DLG2: variants seen among roughly 807,000 people sequenced by gnomAD.
DLG2 encodes disks large homolog 2.
A neutral mutation model predicts 132.5 loss-of-function variants in DLG2; 45 were observed. The ratio of observed to expected loss-of-function variants is 0.34; its 90% confidence interval spans 0.27 to 0.44. The LOEUF (loss-of-function observed/expected upper bound fraction) is 0.44, where lower values mean the gene tolerates loss of function less well. Among genes scored for constraint, DLG2 ranks in the 20% least tolerant of loss-of-function variants. The pLI is 1.00. For missense variants in DLG2, 1,045 were observed against 1,196.9 expected, an observed-to-expected ratio of 0.87 and a Z score of 1.87; for synonymous variants, 424 against 419.6, an observed-to-expected ratio of 1.01 and a Z score of -0.13.
intron 4 of DLG2, among the ~76,000 whole-genome samples, chr11:85,210,426 G>GT (rs907579237): frequency 6.6e-5 from 10 of 152,026 alleles, no homozygotes; most frequent in African/African-American, 1.2e-4. Flanking sequence ...TCCATATGGG[G>GT]TTTTTTCCCA....
At chr11:83,492,780 T>G (rs562214168) in intron 21 of DLG2, among the ~76,000 whole-genome samples, 5 of 152,148 alleles carry the variant, frequency 3.3e-5, no homozygotes, top group African/African-American at 9.6e-5. Context: ...TGACCACCTC[T>G]CACCATCTCC....
chr11:84,246,553 A>T (rs1323720493), intron 8 of DLG2, among the ~76,000 whole-genome samples: 3 of 152,238 alleles, frequency 2.0e-5, no homozygotes, highest in African/African-American at 7.2e-5. Flanking sequence ...TTAAGAAAAA[A>T]GAAAAGAGAC....
Position 85,217,318 on chromosome 11 carries a change from T to TCA in DLG2, c.187-62669_187-62668dup, listed in dbSNP as rs56718906. ...CCATCACCTAGATTCTCTCTCTCTCTCACACACACACACACACACACACAC... is the reference window on the plus strand; with the variant it reads ...CCATCACCTAGATTCTCTCTCTCTCTCACACACACACACACACACACACACAC... On this transcript the variant is annotated intron_variant, in intron 4 of 27. Transcript: ENST00000376104. Among the ~76,000 whole-genome samples, 1,397 of 144,020 alleles carry TCA rather than the reference T, an allele frequency of 9.7e-3. 17 individuals are homozygous for TCA. Among genetic ancestry groups the TCA allele is most frequent in the African/African-American group, 0.032 (1,226 of 38,596 alleles). The allele number at this position is 144,020 out of a possible 152,430, so 94.5% of individuals were successfully genotyped here.
At chr11:84,825,335 G>A (rs928145400) in intron 6 of DLG2, among the ~76,000 whole-genome samples, 5 of 151,842 alleles carry the variant, frequency 3.3e-5, no homozygotes, top group East Asian at 1.9e-4. Context: ...CCTAAGGCCC[G>A]AGCTGACAAA....
chr11:84,647,697 G>C (rs2099676656), intron 6 of DLG2, among the ~76,000 whole-genome samples: 2 of 152,180 alleles, frequency 1.3e-5, no homozygotes, highest in African/African-American at 4.8e-5. Flanking sequence ...GCAGATGAGA[G>C]CTCACATCTA....
chr11:84,716,074 T>C (rs2061190512), intron 6 of DLG2, among the ~76,000 whole-genome samples: 1 of 152,108 alleles, frequency 6.6e-6, no homozygotes, highest in African/African-American at 2.4e-5. Flanking sequence ...ACAACACTGG[T>C]TACCTCTTGT....
In DLG2 at chr11:84,767,550, TAATA is replaced by T. The variant is rs911229778; in HGVS notation, c.358-232823_358-232820del. Among the ~76,000 whole-genome samples, 8 of 152,188 alleles carry T rather than the reference TAATA, an allele frequency of 5.3e-5. No homozygotes were observed. The Middle Eastern group carries it at 0.01, about 194-fold the overall frequency. ...GAGCCTTAAAGGTCCTGAGCAGAGA[TAATA>T]AAGTCCTCACTTTCTATTTTAAAAC... On this transcript the variant is annotated intron_variant, in intron 6 of 27. Coordinates refer to ENST00000376104, the MANE Select transcript of DLG2 (RefSeq NM_001142699.3).
At chr11:85,408,274 G>C (rs2088961023) in intron 3 of DLG2, among the ~76,000 whole-genome samples, 1 of 150,300 alleles carries the variant, frequency 6.7e-6, no homozygotes, top group African/African-American at 2.4e-5. Flanking sequence ...GTAACCGTCA[G>C]AAAATATAAA....
chr11:85,090,288 C>T (rs1163217128), intron 6 of DLG2, among the ~76,000 whole-genome samples: 1 of 152,178 alleles, frequency 6.6e-6, no homozygotes, highest in Admixed American at 6.5e-5. Flanking sequence ...CTTTCATTTA[C>T]TCTCTGAAGG....
At chr11:84,594,327 C>T (rs2099551120) in intron 6 of DLG2, among the ~76,000 whole-genome samples, 1 of 152,174 alleles carries the variant, frequency 6.6e-6, no homozygotes, top group African/African-American at 2.4e-5. Flanking sequence ...CATGGACTGG[C>T]ATTCTAATGT....
At chr11:84,500,907 T>A (rs1337812324) in intron 7 of DLG2, among the ~76,000 whole-genome samples, 1 of 152,222 alleles carries the variant, frequency 6.6e-6, no homozygotes, top group African/African-American at 2.4e-5. Context: ...TGATATTTTA[T>A]ATGGCAATTC....
chr11:84,154,781 G>A lies in DLG2; in HGVS notation c.624+8680C>T, dbSNP rs2095392589. On this transcript the variant is annotated intron_variant, in intron 9 of 27. Coordinates refer to ENST00000376104, the MANE Select transcript of DLG2 (RefSeq NM_001142699.3). ...TTTTGTCCCTGCGATAGTTTACTGA[G>A]AATGATGGTTTCCAGCTTCACCCAT... Among the ~76,000 whole-genome samples, 4 of 152,094 alleles carry A rather than the reference G, an allele frequency of 2.6e-5. No individual in the cohort carries two copies. The South Asian group carries it at 8.3e-4, about 31-fold the overall frequency.
intron 6 of DLG2, among the ~76,000 whole-genome samples, chr11:84,806,947 A>G (rs2076065104): frequency 6.6e-6 from 1 of 152,194 alleles, no homozygotes; most frequent in East Asian, 1.9e-4. Context: ...TCAAACTGGT[A>G]GAAAGACAAC....
chr11:84,680,818 T>C (rs1486235461), intron 6 of DLG2, among the ~76,000 whole-genome samples: 6 of 152,214 alleles, frequency 3.9e-5, no homozygotes, highest in African/African-American at 1.4e-4. Context: ...TCAGTTGTCT[T>C]CTAGCAGTTT....
intron 3 of DLG2, among the ~76,000 whole-genome samples, chr11:85,555,204 T>A (rs1321323104): frequency 9.9e-5 from 15 of 151,894 alleles, no homozygotes; most frequent in Non-Finnish European, 2.9e-5. Context: ...AAAGGAAATA[T>A]ACTACTTAAA....
intron 3 of DLG2, among the ~76,000 whole-genome samples, chr11:85,389,324 T>A (rs965537906): frequency 5.3e-5 from 8 of 152,110 alleles, no homozygotes; most frequent in Admixed American, 1.3e-4. Flanking sequence ...AATAATTTTT[T>A]AAAAATGAAC....
chr11:84,416,757 T>C lies in DLG2; in HGVS notation c.519+117813A>G, dbSNP rs183243647. ...GATTAAATGAGATAATATAAAGCAT[T>C]ACATTAACACAAGATCTCACACAGT... On this transcript the variant is annotated intron_variant, in intron 7 of 27. Transcript: ENST00000376104. Among the ~76,000 whole-genome samples the C allele has an allele frequency of 2.6e-5, 4 of 152,312 alleles. No homozygotes were observed. In the East Asian group the frequency reaches 7.7e-4, roughly 29 times the overall value.
intron 6 of DLG2, among the ~76,000 whole-genome samples, chr11:84,636,755 C>CT (rs1197145731): frequency 2.0e-5 from 3 of 150,122 alleles, no homozygotes; most frequent in Admixed American, 6.7e-5. Flanking sequence ...AAGTTATAAA[C>CT]TTAAGATCTC....
chr11:84,521,561 C>T (rs528667151), intron 7 of DLG2, among the ~76,000 whole-genome samples: 17 of 152,252 alleles, frequency 1.1e-4, no homozygotes, highest in Middle Eastern at 6.8e-3. Flanking sequence ...TTGGATATTG[C>T]GTTATCTGAT....
Sources: allele counts gnomAD v4.1 joint callset (sites outside exome capture counted in the v4.1 genomes callset), GRCh38; gene constraint gnomAD v4.1.1; transcripts MANE v1.5; gene names NCBI Gene and HGNC (gene_info 2026-07-23, HGNC 2026-07-21).